The following CCDC171 variants were observed in gnomAD, a reference collection of about 807,000 sequenced individuals.
CCDC171 encodes the protein coiled-coil domain containing 171, also known as coiled-coil domain-containing protein 171.
CCDC171 carries 177 observed loss-of-function variants against 168.2 expected under a neutral mutation model. The observed-to-expected ratio is 1.05, with a 90% CI of 0.93 to 1.19. The LOEUF (loss-of-function observed/expected upper bound fraction) is 1.19. Ranked by LOEUF, CCDC171 falls within the 50% of genes most tolerant of loss-of-function variation. The probability of loss-of-function intolerance (pLI) is 0.00; values close to 1 mark genes in which losing one functional copy is unlikely to be tolerated. For synonymous variants in CCDC171, 687 were observed against 540.8 expected (o/e 1.27, Z -3.75); for missense variants, 1,991 against 1,539.0 (o/e 1.29, Z -4.91).
chr9:15,582,927 A>AT (rs1158460365), intron 4 of CCDC171, among the ~76,000 whole-genome samples: 1 of 149,740 alleles, frequency 6.7e-6, no homozygotes, highest in South Asian at 2.2e-4. Context: ...AACTTAAAGT[A>AT]TTAAAAAAAA....
the CCDC171 span, among the ~76,000 whole-genome samples, chr9:16,086,104 C>G: frequency 1.3e-5 from 2 of 152,030 alleles, no homozygotes; most frequent in Non-Finnish European, 2.9e-5. Flanking sequence ...GATTTGTAGG[C>G]TATTAATTAC....
chr9:15,594,175 AT>A lies in CCDC171; in HGVS notation c.675+7del. The A allele has an allele frequency of 7.4e-7, 1 of 1,348,546 alleles. No homozygotes were observed. The highest frequency in any genetic ancestry group is 1.0e-6 in the Non-Finnish European group (1 of 967,072). 83.5% of individuals were successfully genotyped at this position (1,348,546 alleles called of 1,614,324 possible). On this transcript the variant is annotated splice_donor_region_variant and intron_variant, in intron 6 of 25. Coordinates refer to ENST00000380701, the MANE Select transcript of CCDC171 (RefSeq NM_173550.4). ...GAGAATTACAATTTATAGTACAGGT[AT>A]TTTAAAAATAATCAGTTCCTTAAAT...
chr9:15,682,505 T>A (rs1443135893), intron 10 of CCDC171, among the ~76,000 whole-genome samples: 2 of 152,012 alleles, frequency 1.3e-5, no homozygotes, highest in East Asian at 3.8e-4. Flanking sequence ...CATATTTATA[T>A]GGTACACTGT....
chr9:15,615,793 T>C (rs1240630616), intron 6 of CCDC171, among the ~76,000 whole-genome samples: 6 of 137,264 alleles, frequency 4.4e-5, no homozygotes, highest in Admixed American at 3.7e-4. Context: ...TTTTTTTTTT[T>C]CTTCAGACAG....
intron 21 of CCDC171, among the ~76,000 whole-genome samples, chr9:15,845,480 C>T (rs2060855484): frequency 6.6e-6 from 1 of 151,988 alleles, no homozygotes; most frequent in African/African-American, 2.4e-5. Flanking sequence ...GCTTGCAGTT[C>T]ACCAGCATTT....
At chr9:15,890,530 G>GGTTT (rs1276037730) in intron 24 of CCDC171, among the ~76,000 whole-genome samples, 2 of 134,816 alleles carry the variant, frequency 1.5e-5, no homozygotes, top group Non-Finnish European at 3.1e-5. Flanking sequence ...GGATTGGTAA[G>GGTTT]GTTTTTTTTT....
chr9:15,929,067 TTAGA>T (rs1399133992), intron 25 of CCDC171, among the ~76,000 whole-genome samples: 12 of 149,724 alleles, frequency 8.0e-5, no homozygotes, highest in South Asian at 4.1e-4. Context: ...ATAAAACATA[TTAGA>T]TATATATTAT....
At chr9:15,852,005 A>G (rs528881235) in intron 23 of CCDC171, among the ~76,000 whole-genome samples, 22 of 151,836 alleles carry the variant, frequency 1.4e-4, no homozygotes, top group African/African-American at 4.8e-4. Flanking sequence ...GGTTGTTTCC[A>G]CTTCTTGGTT....
intron 25 of CCDC171, among the ~76,000 whole-genome samples, chr9:15,931,614 G>A (rs908849725): frequency 2.0e-5 from 3 of 151,008 alleles, no homozygotes; most frequent in African/African-American, 7.3e-5. Flanking sequence ...TGCAAAAGCT[G>A]TTTAGTTTGA....
intron 15 of CCDC171, among the ~76,000 whole-genome samples, chr9:15,728,555 G>A (rs2134305423): frequency 6.6e-6 from 1 of 152,208 alleles, no homozygotes; most frequent in Middle Eastern, 3.4e-3. Context: ...CTCACTCCAT[G>A]CTTTAGACTG....
At chr9:15,572,241 C>T (rs1384043457) in intron 3 of CCDC171, among the ~76,000 whole-genome samples, 1 of 152,038 alleles carries the variant, frequency 6.6e-6, no homozygotes, top group Admixed American at 6.6e-5. Flanking sequence ...TGCATATAGT[C>T]CAAGATAGTT....
At chr9:15,855,340 T>C (rs970546865) in intron 23 of CCDC171, among the ~76,000 whole-genome samples, 1 of 151,874 alleles carries the variant, frequency 6.6e-6, no homozygotes, top group Non-Finnish European at 1.5e-5. Flanking sequence ...TTAAAGTCTT[T>C]CGTCTGATAT....
chr9:15,582,063 A>G (rs1427424457), intron 4 of CCDC171, among the ~76,000 whole-genome samples: 1 of 152,244 alleles, frequency 6.6e-6, no homozygotes, highest in Non-Finnish European at 1.5e-5. Context: ...AGAATCTACA[A>G]AGAACTTAAA....
chr9:15,745,490 A>G (rs1310220766), intron 17 of CCDC171, 25 bp from the exon 18 acceptor site: 7 of 1,393,488 alleles, frequency 5.0e-6, no homozygotes, highest in Non-Finnish European at 6.9e-6. Context: ...GTAGAATTTT[A>G]CAATGGATTT....
chr9:15,846,228 C>G lies in CCDC171; in HGVS notation c.3268-474C>G, dbSNP rs2130734660. Among the ~76,000 whole-genome samples the G allele has an allele frequency of 2.0e-5, 3 of 152,156 alleles. 1 individual carries two copies. The highest frequency in any genetic ancestry group is 2.0e-4 in the Admixed American group (3 of 15,248). On this transcript the variant is annotated intron_variant, in intron 21 of 25. Transcript: ENST00000380701. ...TATTTATAAAGACAGTAGTGGTACT[C>G]TTTCATCTTGGGTTTACCATTTTCT...
the CCDC171 span, among the ~76,000 whole-genome samples, chr9:16,078,563 T>G: frequency 1.3e-5 from 2 of 152,162 alleles, no homozygotes; most frequent in Non-Finnish European, 2.9e-5. Context: ...GTGATTTGAT[T>G]TGACAGATAC....
At chr9:15,612,272 G>T (rs576194494) in intron 6 of CCDC171, among the ~76,000 whole-genome samples, 1 of 152,124 alleles carries the variant, frequency 6.6e-6, no homozygotes, top group Non-Finnish European at 1.5e-5. Context: ...CTTTTTTTCC[G>T]CATTTAGAAA....
intron 11 of CCDC171, among the ~76,000 whole-genome samples, chr9:15,697,972 AG>A (rs2051345881): frequency 6.6e-6 from 1 of 152,244 alleles, no homozygotes; most frequent in South Asian, 2.1e-4. Context: ...TTAAGATACC[AG>A]TCACCTTGAA....
intron 3 of CCDC171, among the ~76,000 whole-genome samples, chr9:16,012,958 C>T (rs1433292321): frequency 6.6e-6 from 1 of 151,942 alleles, no homozygotes; most frequent in South Asian, 2.1e-4. Flanking sequence ...CACCAGCTAC[C>T]ACAGTTTTCC....
Sources: allele counts gnomAD v4.1 joint callset (sites outside exome capture counted in the v4.1 genomes callset), GRCh38; gene constraint gnomAD v4.1.1; transcripts MANE v1.5; gene names NCBI Gene and HGNC (gene_info 2026-07-23, HGNC 2026-07-21).